Variants in CSTF3 observed in about 807,000 individuals in gnomAD.
The protein encoded by CSTF3 is CF-1 77 kDa subunit.
In CSTF3, 29 loss-of-function variants were observed where a neutral mutation model predicts 105.8. That is an observed-to-expected ratio of 0.27 (90% CI 0.20 to 0.37). The LOEUF is 0.37. Among genes scored for constraint, CSTF3 ranks in the 10% least tolerant of loss-of-function variants. The pLI, the probability that CSTF3 is intolerant of heterozygous loss-of-function variation, is 1.00. For missense variants in CSTF3, 357 were observed against 879.3 expected (o/e 0.41, Z 7.51); for synonymous variants, 252 against 281.9 (o/e 0.89, Z 1.06).
intron 3 of CSTF3, among the ~76,000 whole-genome samples, chr11:33,118,401 T>A (rs1855455241): frequency 6.6e-6 from 1 of 151,936 alleles, no homozygotes; most frequent in African/African-American, 2.4e-5. Context: ...CTTTACTTAA[T>A]AAACATCTAA....
At chr11:33,149,295 A>G (rs1205442292) in intron 1 of CSTF3, among the ~76,000 whole-genome samples, 1 of 152,218 alleles carries the variant, frequency 6.6e-6, no homozygotes, top group Non-Finnish European at 1.5e-5. Context: ...TCGTAACACA[A>G]TCTATACATG....
At position 33,102,117 on chromosome 11, in the gene CSTF3, G is replaced by A. The variant is rs1318304860; in HGVS notation, c.826+60C>T. On this transcript the variant is annotated intron_variant, in intron 10 of 20. Transcript: ENST00000323959. Reference sequence around the variant, plus strand: ...GGTAAGAAAATTTTAGTAACCTATGGGGATACCAAGTGGCCTAACATACAT... The same window carrying A: ...GGTAAGAAAATTTTAGTAACCTATGAGGATACCAAGTGGCCTAACATACAT... The A allele has an allele frequency of 9.7e-6, 14 of 1,441,838 alleles. No homozygotes were observed. The East Asian group carries it at 2.3e-4, about 23-fold the overall frequency. The allele number at this position is 1,441,838 out of a possible 1,614,324, so 89.3% of individuals were successfully genotyped here.
intron 1 of CSTF3, among the ~76,000 whole-genome samples, chr11:33,146,856 A>G (rs1022874639): frequency 4.3e-5 from 4 of 93,188 alleles, no homozygotes; most frequent in East Asian, 4.7e-4. Flanking sequence ...TTACTTCTTG[A>G]AAAAAAAAAA....
chr11:33,112,140 G>C (rs1305711273), intron 3 of CSTF3, among the ~76,000 whole-genome samples: 2 of 152,032 alleles, frequency 1.3e-5, no homozygotes, highest in African/African-American at 4.8e-5. Context: ...TGTAATTCCA[G>C]CTACTCAGGA....
intron 3 of CSTF3, among the ~76,000 whole-genome samples, chr11:33,123,178 G>A (rs948533726): frequency 6.7e-6 from 1 of 149,496 alleles, no homozygotes. Flanking sequence ...ATGTGCTCTT[G>A]TAAAGATGAA....
Position 33,161,372 on chromosome 11 carries a change from A to G in CSTF3, c.-47T>C. On this transcript the variant is annotated 5_prime_UTR_variant, in exon 1 of 21. Transcript: ENST00000323959. ...GCGCACTGACCGTCGATGGGAAGCT[A>G]GAAAAGAAAAATTAAACTAAAAACC... The G allele has an allele frequency of 6.2e-7, 1 of 1,607,272 alleles. No homozygotes were observed. The highest frequency in any genetic ancestry group is 8.5e-7 in the Non-Finnish European group (1 of 1,178,772).
intron 1 of CSTF3, among the ~76,000 whole-genome samples, chr11:33,154,725 G>A (rs768990586): frequency 2.0e-4 from 30 of 152,060 alleles, no homozygotes. Context: ...TCAAACTCCT[G>A]ACCAAGTGAT....
intron 3 of CSTF3, among the ~76,000 whole-genome samples, chr11:33,139,938 G>T (rs537194351): frequency 4.0e-5 from 6 of 151,844 alleles, no homozygotes; most frequent in Non-Finnish European, 8.8e-5. Flanking sequence ...CTAGGAAATT[G>T]GAGAAACAAA....
chr11:33,122,817 G>A (rs1218679574), intron 3 of CSTF3, among the ~76,000 whole-genome samples: 3 of 150,010 alleles, frequency 2.0e-5, no homozygotes, highest in Non-Finnish European at 4.4e-5. Flanking sequence ...TTGAGGGGCT[G>A]AAGTGGGGGG....
At chr11:33,113,406 C>G (rs1855400133) in intron 3 of CSTF3, among the ~76,000 whole-genome samples, 1 of 151,516 alleles carries the variant, frequency 6.6e-6, no homozygotes, top group Non-Finnish European at 1.5e-5. Flanking sequence ...ATCCCGGCTG[C>G]TTGGGAGGCT....
intron 1 of CSTF3, among the ~76,000 whole-genome samples, chr11:33,156,445 T>C (rs1849866983): frequency 6.6e-6 from 1 of 152,228 alleles, no homozygotes; most frequent in Admixed American, 6.5e-5. Context: ...GTTTCAACTT[T>C]TTCTTTCCTT....
At chr11:33,105,832 A>G (rs1040238207) in intron 7 of CSTF3, 51 bp downstream of exon 7, 27 of 1,521,376 alleles carry the variant, frequency 1.8e-5, no homozygotes, top group Non-Finnish European at 2.2e-5. Flanking sequence ...TAAAAATTAT[A>G]TTTTAGCTAA....
intron 3 of CSTF3, among the ~76,000 whole-genome samples, chr11:33,129,842 A>C (rs1460947291): frequency 6.6e-6 from 1 of 152,230 alleles, no homozygotes; most frequent in African/African-American, 2.4e-5. Context: ...TTAGAATTGC[A>C]AACTGTTTTA....
intron 1 of CSTF3, among the ~76,000 whole-genome samples, chr11:33,158,916 G>C (rs776513643): frequency 1.2e-4 from 19 of 152,096 alleles, no homozygotes; most frequent in Non-Finnish European, 2.6e-4. Flanking sequence ...AGCCCCAGGG[G>C]AGAAGAATGG....
At chr11:33,120,161 C>G (rs553446363) in intron 3 of CSTF3, among the ~76,000 whole-genome samples, 5 of 151,302 alleles carry the variant, frequency 3.3e-5, no homozygotes, top group African/African-American at 1.2e-4. Flanking sequence ...ACTGGAAACA[C>G]TGTAAATGAT....
chr11:33,130,869 C>T (rs896774598), intron 3 of CSTF3, among the ~76,000 whole-genome samples: 1 of 151,974 alleles, frequency 6.6e-6, no homozygotes, highest in Admixed American at 6.6e-5. Context: ...CAACCCAAAA[C>T]ACCACAAAAA....
At chr11:33,145,488 A>C (rs146575723) in intron 1 of CSTF3, among the ~76,000 whole-genome samples, 187 of 152,340 alleles carry the variant, frequency 1.2e-3, no homozygotes, top group African/African-American at 4.3e-3. Flanking sequence ...TGAACAGTTT[A>C]TAATTAACTT....
chr11:33,138,311 A>C (rs1033840583), intron 3 of CSTF3, among the ~76,000 whole-genome samples: 3 of 151,822 alleles, frequency 2.0e-5, no homozygotes, highest in Non-Finnish European at 4.4e-5. Context: ...ATTGTAGCTT[A>C]CATGTTGTCA....
rs113929252 is a variant in CSTF3 at position 33,133,833 on chromosome 11, T to C, written c.225+7834A>G. ...ACAAAACAAATTAAGGCTGAGGGGC[T>C]GTTCCACATTGAAGGAGACTAAGAG... On this transcript the variant is annotated intron_variant, in intron 3 of 20. Transcript: ENST00000323959. Among the ~76,000 whole-genome samples, 370 of 152,336 alleles carry C rather than the reference T, an allele frequency of 2.4e-3. 1 individual carries two copies. Among genetic ancestry groups the C allele is most frequent in the African/African-American group, 8.4e-3 (348 of 41,580 alleles).
Sources: gnomAD v4.1 joint callset for allele counts (sites outside exome capture counted in the v4.1 genomes callset) on GRCh38, gnomAD v4.1.1 for gene constraint, MANE v1.5 for transcripts, NCBI Gene and HGNC (gene_info 2026-07-23, HGNC 2026-07-21) for gene names.